KYAT1: variants seen among roughly 807,000 people sequenced by gnomAD.
KYAT1 encodes the protein kynurenine aminotransferase 1.
KYAT1 carries 47 observed loss-of-function variants against 52.4 expected under a neutral mutation model. The ratio of observed to expected loss-of-function variants is 0.90; its 90% confidence interval spans 0.71 to 1.14. The LOEUF (loss-of-function observed/expected upper bound fraction) is 1.14, where lower values mean the gene tolerates loss of function less well. Ranked by LOEUF, KYAT1 falls within the 50% of genes most tolerant of loss-of-function variation. KYAT1 has a pLI of 0.00. For synonymous variants in KYAT1, 212 were observed against 209.6 expected, an observed-to-expected ratio of 1.01 and a Z score of -0.10; for missense variants, 480 against 557.9, an observed-to-expected ratio of 0.86 and a Z score of 1.41.
Position 128,836,064 on chromosome 9 carries a change from G to A in KYAT1, c.698C>T (p.Pro233Leu). The A allele has an allele frequency of 6.2e-7, 1 of 1,613,888 alleles. No homozygotes were observed. The highest frequency in any genetic ancestry group is 1.3e-5 in the African/African-American group (1 of 75,066). Residue 233 changes from proline (P) to leucine (L), a missense_variant, in exon 8 of 13, where the codon CCT becomes CTT. Pro to Leu is a moderately conservative substitution (Grantham distance 98). Transcript: ENST00000302586. ...GGTCAGGGTCCGTTCCCACATGCCA[G>A]GGAGGCTGGCTGCCCAAGGCCGAAC... The part of the protein sequence containing the change: ...GHQHISIASL[P>L]GMWERTLTIG...
At chr9:128,870,829 C>T (rs943284010) in intron 1 of KYAT1, among the ~76,000 whole-genome samples, 3 of 151,342 alleles carry the variant, frequency 2.0e-5, no homozygotes, top group Non-Finnish European at 4.4e-5. Flanking sequence ...CCTAAGGGAA[C>T]GATAAAGTTT....
At chr9:128,838,191 C>G in intron 4 of KYAT1, 27 bp downstream of exon 4, 3 of 1,614,190 alleles carry the variant, frequency 1.9e-6, no homozygotes, top group Non-Finnish European at 2.5e-6. Context: ...CTCTCAGTCC[C>G]ACTCAGCCCA....
intron 1 of KYAT1, among the ~76,000 whole-genome samples, chr9:128,867,136 T>A (rs1425398377): frequency 6.6e-6 from 1 of 152,154 alleles, no homozygotes; most frequent in African/African-American, 2.4e-5. Context: ...AATTTAATAA[T>A]AACACATACC....
intron 1 of KYAT1, among the ~76,000 whole-genome samples, chr9:128,881,366 C>G (rs900141122): frequency 6.6e-6 from 1 of 152,204 alleles, no homozygotes; most frequent in African/African-American, 2.4e-5. Flanking sequence ...CAGACGTGAG[C>G]CACCGCAACC....
At chr9:128,852,000 C>T (rs914518710) in intron 1 of KYAT1, among the ~76,000 whole-genome samples, 3 of 152,232 alleles carry the variant, frequency 2.0e-5, no homozygotes, top group Non-Finnish European at 4.4e-5. Flanking sequence ...TATTGCCCAA[C>T]CTACAGTTCA....
intron 1 of KYAT1, among the ~76,000 whole-genome samples, chr9:128,877,837 G>A (rs943305670): frequency 6.6e-6 from 1 of 152,182 alleles, no homozygotes; most frequent in African/African-American, 2.4e-5. Context: ...TAAAATGCCA[G>A]GAGACTCCCA....
At chr9:128,836,190 A>G in intron 7 of KYAT1, 117 bp from the exon 8 acceptor site, 1 of 743,864 alleles carries the variant, frequency 1.3e-6, no homozygotes, top group Non-Finnish European at 2.2e-6. Context: ...TCCTCTACAT[A>G]CTAAGTTATT....
rs527585163 is a variant in KYAT1 at position 128,869,115 on chromosome 9, C to T, written c.-7+12782G>A. 2.6e-4 allele frequency among the ~76,000 whole-genome samples: 39 copies of T among 152,238 alleles called. 1 individual carries two copies. In the South Asian group the frequency reaches 7.3e-3, roughly 28 times the overall value. On this transcript the variant is annotated intron_variant, in intron 1 of 12. Transcript: ENST00000302586. ...TTGGCCTCCCAAAGTGCTGGGATTA[C>T]AGGTGGGAGCCACTGCGCCTGGCCT...
chr9:128,850,862 T>C (rs1293000682), intron 1 of KYAT1, among the ~76,000 whole-genome samples: 3 of 152,214 alleles, frequency 2.0e-5, no homozygotes, highest in African/African-American at 7.2e-5. Context: ...CAATGCTGCC[T>C]GCTATTCTTT....
Position 128,842,741 on chromosome 9 carries a change from C to T in KYAT1, c.114G>A (p.Pro38=), listed in dbSNP as rs377087687. The part of the protein sequence containing the change: ...HDVVNLGQGF[P]DFPPPDFAVE... ...CGGCAAAGTCTGGTGGTGGGAAATC[C>T]GGGAAGCCCTGGCCCAAGTTCACGA... Residue 38 remains proline, a synonymous_variant, in exon 3 of 13, where the codon CCG becomes CCA. Coordinates refer to ENST00000302586, the MANE Select transcript of KYAT1 (RefSeq NM_004059.5). The T allele has an allele frequency of 1.2e-5, 20 of 1,614,038 alleles. No individual in the cohort carries two copies. The highest frequency in any genetic ancestry group is 5.0e-5 in the Admixed American group (3 of 59,996).
In KYAT1 at chr9:128,836,925, G is replaced by A. The variant is rs774484899; in HGVS notation, c.568-3C>T. On this transcript the variant is annotated splice_region_variant and splice_polypyrimidine_tract_variant and intron_variant, in intron 6 of 12. Transcript: ENST00000302586. ...TCCAGCTCTTCCCTGGAGAACACCT[G>A]CAGATGCCCAAGGAGAGCACAGACC... The A allele has an allele frequency of 6.2e-7, 1 of 1,611,046 alleles. No homozygotes were observed. The highest frequency in any genetic ancestry group is 8.5e-7 in the Non-Finnish European group (1 of 1,179,320).
intron 3 of KYAT1, chr9:128,842,326 A>C: frequency 4.5e-6 from 1 of 224,336 alleles, no homozygotes. Flanking sequence ...GACTTGGTTT[A>C]AGTGTCACCT....
intron 1 of KYAT1, among the ~76,000 whole-genome samples, chr9:128,878,985 G>A (rs1838412694): frequency 6.6e-6 from 1 of 152,170 alleles, no homozygotes; most frequent in Non-Finnish European, 1.5e-5. Context: ...CTGCAAGCTG[G>A]GGAATGAGGG....
chr9:128,879,815 A>T (rs373731398), intron 1 of KYAT1, among the ~76,000 whole-genome samples: 1 of 152,120 alleles, frequency 6.6e-6, no homozygotes, highest in South Asian at 2.1e-4. Flanking sequence ...TCCGCCCTCA[A>T]AGTACTCAGC....
At chr9:128,879,152 T>C (rs1838446428) in intron 1 of KYAT1, among the ~76,000 whole-genome samples, 1 of 151,994 alleles carries the variant, frequency 6.6e-6, no homozygotes, top group African/African-American at 2.4e-5. Flanking sequence ...CTACTAAAAA[T>C]ACAAAAAATT....
chr9:128,837,720 G>A lies in KYAT1; in HGVS notation c.532C>T (p.Leu178=). The A allele has an allele frequency of 6.2e-7, 1 of 1,614,166 alleles. No homozygotes were observed. Among genetic ancestry groups the A allele is most frequent in the South Asian group, 1.1e-5 (1 of 91,084 alleles). ...AGKFTSRTKA[L]VLNTPNNPLG... is the part of the protein sequence containing the mutation. ...GGGTTGTTGGGGGTGTTGAGGACCA[G>A]GGCTTTGGTGCGTGATGTGAATTTG... The change falls in exon 6 of 13, where the codon CTG becomes TTG. Residue 178 remains leucine, a synonymous_variant. Transcript: ENST00000302586.
intron 1 of KYAT1, among the ~76,000 whole-genome samples, chr9:128,880,894 T>A (rs1490354741): frequency 6.6e-6 from 1 of 152,210 alleles, no homozygotes; most frequent in Non-Finnish European, 1.5e-5. Context: ...ATCTTATTTT[T>A]AATTATCTAT....
At chr9:128,860,779 T>A (rs1028512558) in intron 1 of KYAT1, among the ~76,000 whole-genome samples, 18 of 152,084 alleles carry the variant, frequency 1.2e-4, no homozygotes, top group African/African-American at 4.3e-4. Flanking sequence ...GTCAGACTGG[T>A]CTCGAACTCC....
chr9:128,873,251 C>T (rs1267732337), intron 1 of KYAT1, among the ~76,000 whole-genome samples: 1 of 151,518 alleles, frequency 6.6e-6, no homozygotes, highest in African/African-American at 2.4e-5. Flanking sequence ...TGCCTGTAGT[C>T]CCAGGACTTT....
Sources: gnomAD v4.1 joint callset for allele counts (sites outside exome capture counted in the v4.1 genomes callset) on GRCh38, gnomAD v4.1.1 for gene constraint, MANE v1.5 for transcripts, NCBI Gene and HGNC (gene_info 2026-07-23, HGNC 2026-07-21) for gene names.